The following FBXL2 variants were observed in gnomAD, a reference collection of about 807,000 sequenced individuals.
The protein encoded by FBXL2 is F-box and leucine rich repeat protein 2, also known as F-box/LRR-repeat protein 2.
Under a neutral mutation model 69.2 loss-of-function variants are expected in FBXL2, and 38 were observed. The observed-to-expected ratio is 0.55, with a 90% CI of 0.42 to 0.72. The LOEUF (loss-of-function observed/expected upper bound fraction) is 0.72. Ranked by LOEUF, FBXL2 falls within the 30% of genes least tolerant of loss-of-function variation. FBXL2 has a pLI of 0.00. For synonymous variants in FBXL2, 192 were observed against 201.3 expected (o/e 0.95, Z 0.39); for missense variants, 354 against 520.3 (o/e 0.68, Z 3.11).
chr3:33,419,566 T>G, the FBXL2 span, among the ~76,000 whole-genome samples: 1 of 146,066 alleles, frequency 6.8e-6, no homozygotes, highest in African/African-American at 2.6e-5. Context: ...AGGCGGAGGT[T>G]GCGGTGAGCC....
At chr3:33,370,621 C>G (rs1432220009) in intron 5 of FBXL2, among the ~76,000 whole-genome samples, 1 of 151,940 alleles carries the variant, frequency 6.6e-6, no homozygotes, top group African/African-American at 2.4e-5. Flanking sequence ...GTTTCTCTCT[C>G]TCTCTCTTCC....
chr3:33,334,326 G>C (rs1348092871), intron 2 of FBXL2, among the ~76,000 whole-genome samples: 1 of 152,122 alleles, frequency 6.6e-6, no homozygotes, highest in Non-Finnish European at 1.5e-5. Flanking sequence ...GGATTGAAGA[G>C]ATGAGATATT....
At chr3:33,362,248 A>T (rs2041676688) in intron 4 of FBXL2, among the ~76,000 whole-genome samples, 1 of 152,162 alleles carries the variant, frequency 6.6e-6, no homozygotes, top group Admixed American at 6.5e-5. Context: ...GTGCCTTTAA[A>T]ACTTGGACAT....
rs1231970838 is a variant in FBXL2, at chr3:33,378,963, C to T, written c.951+222C>T. On this transcript the variant is annotated intron_variant, in intron 13 of 14. Coordinates refer to ENST00000484457, the MANE Select transcript of FBXL2 (RefSeq NM_012157.5). ...TTCCCAAAAGAGAAATGTCCAGATC[C>T]AGATGGTTTTGTTGGGGAACTCTAC... 3 of 844,050 alleles carry T rather than the reference C, an allele frequency of 3.6e-6. No homozygotes were observed. The African/African-American group carries it at 5.2e-5, about 15-fold the overall frequency. 52.3% of individuals were successfully genotyped at this position (844,050 alleles called of 1,614,324 possible).
intron 2 of FBXL2, among the ~76,000 whole-genome samples, chr3:33,355,931 AGTATT>A (rs2041170051): frequency 6.6e-6 from 1 of 152,204 alleles, no homozygotes; most frequent in South Asian, 2.1e-4. Context: ...GGTAGTTTGG[AGTATT>A]GCCACGCCTA....
At chr3:33,283,259 G>A (rs186409155) in intron 1 of FBXL2, among the ~76,000 whole-genome samples, 1 of 152,060 alleles carries the variant, frequency 6.6e-6, no homozygotes, top group East Asian at 1.9e-4. Flanking sequence ...TAGCAAGAAG[G>A]GCTGTTGAAT....
rs899494260 is a variant in FBXL2, at chr3:33,397,282, A to G, written n.1215-5952A>G. The G allele has an allele frequency of 1.5e-5, 8 of 538,210 alleles. 1 individual carries two copies. Among genetic ancestry groups the G allele is most frequent in the East Asian group, 1.3e-4 (4 of 30,870 alleles). 33.3% of individuals were successfully genotyped at this position (538,210 alleles called of 1,614,324 possible). On this transcript the variant is annotated intron_variant and non_coding_transcript_variant, in intron 12 of 12. Transcript: ENST00000463736. ...TACACATGAACAATATAAGAAGACA[A>G]ACAGACACCTGTCCTTCAGAGCCAA...
At chr3:33,411,048 G>A in the FBXL2 span, among the ~76,000 whole-genome samples, 1 of 151,052 alleles carries the variant, frequency 6.6e-6, no homozygotes, top group Non-Finnish European at 1.5e-5. Flanking sequence ...ATTCCAGCCT[G>A]GGTGACAGAA....
At chr3:33,417,835 G>T in the FBXL2 span, among the ~76,000 whole-genome samples, 2 of 152,132 alleles carry the variant, frequency 1.3e-5, no homozygotes, top group Non-Finnish European at 2.9e-5. Context: ...CTCCCAGGGG[G>T]CTTACAGAAA....
chr3:33,407,374 T>A (rs904770101), downstream of FBXL2, among the ~76,000 whole-genome samples: 9 of 152,252 alleles, frequency 5.9e-5, no homozygotes, highest in Non-Finnish European at 1.0e-4. Context: ...GTTAAATGGT[T>A]TATAACAGGA....
intron 2 of FBXL2, among the ~76,000 whole-genome samples, chr3:33,340,585 A>G (rs1374577194): frequency 6.6e-6 from 1 of 150,514 alleles, no homozygotes; most frequent in Non-Finnish European, 1.5e-5. Context: ...TTAAAAAAAA[A>G]AAAAAAAAAA....
chr3:33,287,549 C>T (rs1242688563), intron 1 of FBXL2, among the ~76,000 whole-genome samples: 2 of 152,100 alleles, frequency 1.3e-5, no homozygotes, highest in East Asian at 3.8e-4. Context: ...TGGCTCAGCT[C>T]ACTGCAACTT....
At chr3:33,329,072 G>A (rs754123110) in intron 2 of FBXL2, among the ~76,000 whole-genome samples, 3 of 151,904 alleles carry the variant, frequency 2.0e-5, no homozygotes, top group African/African-American at 7.3e-5. Flanking sequence ...ACCTTCCCCC[G>A]ACCCAGATAG....
intron 2 of FBXL2, chr3:33,302,975 C>T (rs2036414234): frequency 6.9e-6 from 3 of 432,522 alleles, no homozygotes; most frequent in Admixed American, 2.5e-5. Flanking sequence ...AGATATAGCC[C>T]AGTGCTTATC....
At position 33,387,489 on chromosome 3, in the gene FBXL2, C is replaced by G. The variant is rs1271216812; in HGVS notation, c.*1881C>G. ...TGGTGCTGGGCACCTGTAATCTCAG[C>G]TACTCGGGAGGCTGAAGCAGGAGAA... On this transcript the variant is annotated 3_prime_UTR_variant, in exon 15 of 15. Coordinates refer to ENST00000484457, the MANE Select transcript of FBXL2 (RefSeq NM_012157.5). 2 of 152,246 alleles carry G rather than the reference C, an allele frequency of 1.3e-5. No homozygotes were observed. Among genetic ancestry groups the G allele is most frequent in the African/African-American group, 4.8e-5 (2 of 41,408 alleles). The allele number at this position is 152,246 out of a possible 1,614,324, so 9.4% of individuals were successfully genotyped here.
Position 33,378,093 on chromosome 3 carries a change from A to G in FBXL2, c.850-10A>G. The G allele has an allele frequency of 6.2e-7, 1 of 1,613,992 alleles. No individual in the cohort carries two copies. Among genetic ancestry groups the G allele is most frequent in the Non-Finnish European group, 8.5e-7 (1 of 1,179,922 alleles). ...CTCACATGTGGGGTGTGTCTTGTGG[A>G]CTCTTCCAGAATTGCCACGAATTGG... On this transcript the variant is annotated splice_polypyrimidine_tract_variant and intron_variant, in intron 11 of 14. Transcript: ENST00000484457.
intron 12 of FBXL2, among the ~76,000 whole-genome samples, chr3:33,395,586 T>C (rs1323334545): frequency 6.6e-6 from 1 of 151,534 alleles, no homozygotes; most frequent in Non-Finnish European, 1.5e-5. Flanking sequence ...GTAGTATTAT[T>C]TACAGTGACA....
chr3:33,393,219 C>A, intron 12 of FBXL2: 1 of 1,292,334 alleles, frequency 7.7e-7, no homozygotes, highest in South Asian at 1.7e-5. Context: ...TAAGTATTTT[C>A]AAAAGAGGTC....
At chr3:33,370,404 C>T (rs567010217) in intron 5 of FBXL2, among the ~76,000 whole-genome samples, 1 of 141,688 alleles carries the variant, frequency 7.1e-6, no homozygotes, top group Non-Finnish European at 1.5e-5. Context: ...GGTGACAGAG[C>T]GAGACTCCGT....
Sources: gnomAD v4.1 joint callset for allele counts (sites outside exome capture counted in the v4.1 genomes callset) on GRCh38, gnomAD v4.1.1 for gene constraint, MANE v1.5 for transcripts, NCBI Gene and HGNC (gene_info 2026-07-23, HGNC 2026-07-21) for gene names.